Variants in GALNT9 observed in about 807,000 individuals in gnomAD.
GALNT9 encodes the protein polypeptide N-acetylgalactosaminyltransferase 9.
Under a neutral mutation model 63.1 loss-of-function variants are expected in GALNT9, and 47 were observed. That is an observed-to-expected ratio of 0.75 (90% CI 0.59 to 0.95). The LOEUF is 0.95. GALNT9 is among the 40% of genes least tolerant of loss of function. The pLI is 0.00. For synonymous variants in GALNT9, 396 were observed against 365.7 expected (o/e 1.08, Z -0.94); for missense variants, 829 against 874.8 (o/e 0.95, Z 0.66).
At chr12:132,247,832 A>G in intron 6 of GALNT9, 78 bp downstream of exon 6, 1 of 1,540,106 alleles carries the variant, frequency 6.5e-7, no homozygotes, top group Middle Eastern at 1.7e-4. Flanking sequence ...CCGCGGCCTC[A>G]CTCGCCCTCA....
intron 10 of GALNT9, 81 bp from the exon 11 acceptor site, chr12:132,197,334 G>C: frequency 6.4e-7 from 1 of 1,563,580 alleles, no homozygotes. Flanking sequence ...GCTGCTTCGT[G>C]CTCTCAGCCC....
chr12:132,302,062 C>T (rs560077072), intron 1 of GALNT9, among the ~76,000 whole-genome samples: 70 of 152,262 alleles, frequency 4.6e-4, no homozygotes, highest in African/African-American at 1.6e-3. Flanking sequence ...GAAATTGAAC[C>T]ACTGTGTCAA....
In GALNT9 at chr12:132,203,528, T is replaced by G; in HGVS notation, c.1240A>C (p.Met414Leu). The change falls in exon 7 of 11, where the codon ATG becomes CTG. Residue 414 changes from methionine to leucine, a missense_variant. Coordinates refer to ENST00000328957, the MANE Select transcript of GALNT9 (RefSeq NM_001122636.2). ...WMDDFKSHVY[M>L]AWNIPMSNPG... ...ACCGACATGGGGATGTTCCAGGCCATGTACACGTGGGACTTGAAGTCATCC... is the reference window on the plus strand; with the variant it reads ...ACCGACATGGGGATGTTCCAGGCCAGGTACACGTGGGACTTGAAGTCATCC... 6.2e-7 allele frequency: 1 copy of G among 1,613,852 alleles called. No homozygotes were observed. The highest frequency in any genetic ancestry group is 8.5e-7 in the Non-Finnish European group (1 of 1,179,784).
intron 6 of GALNT9, among the ~76,000 whole-genome samples, chr12:132,217,656 T>C (rs1877270302): frequency 6.9e-6 from 1 of 144,620 alleles, no homozygotes; most frequent in East Asian, 2.2e-4. Flanking sequence ...CACTCATCCA[T>C]CCATTCCTTT....
intron 1 of GALNT9, among the ~76,000 whole-genome samples, chr12:132,303,221 G>C (rs61945664): frequency 4.0e-5 from 6 of 151,800 alleles, no homozygotes; most frequent in Non-Finnish European, 5.9e-5. Flanking sequence ...AGGCTGGGCA[G>C]GCGCCCTGAG....
intron 2 of GALNT9, among the ~76,000 whole-genome samples, chr12:132,272,157 T>C (rs2135551636): frequency 6.6e-6 from 1 of 152,306 alleles, no homozygotes; most frequent in South Asian, 2.1e-4. Context: ...GGGACCCCTC[T>C]GTGGGCCACG....
At position 132,197,158 on chromosome 12, in the gene GALNT9, G is replaced by A. The variant is rs1159598671; in HGVS notation, c.1761C>T (p.Cys587=). 5.0e-6 allele frequency: 8 copies of A among 1,614,140 alleles called. No individual in the cohort carries two copies. Among genetic ancestry groups the A allele is most frequent in the Non-Finnish European group, 6.8e-6 (8 of 1,180,022 alleles). ...TTCTGATCATCCACTTCTGCCCCGA[G>A]CACCTCTGTACCACCAGCCGGAGCC... is the stretch of plus-strand genomic sequence containing the variant. The part of the protein sequence containing the change: ...NFGLRLVVQR[C]SGQKWMIRNW... The change falls in exon 11 of 11, where the codon TGC becomes TGT. Residue 587 remains cysteine (C), a synonymous_variant. Transcript: ENST00000328957.
chr12:132,329,544 C>A lies in GALNT9; in HGVS notation c.-341G>T, dbSNP rs1593129774. On this transcript the variant is annotated 5_prime_UTR_variant, in exon 1 of 11. Coordinates refer to ENST00000328957, the MANE Select transcript of GALNT9 (RefSeq NM_001122636.2). ...GGGCGGCGCTCGGTGTCTGTGCCGG[C>A]TCCTGTCCTGCCCGCCCCGCAGCCA... Among the ~76,000 whole-genome samples, 1 of 147,430 alleles carries A rather than the reference C, an allele frequency of 6.8e-6. No individual in the cohort carries two copies. The highest frequency in any genetic ancestry group is 3.5e-3 in the Middle Eastern group (1 of 288).
At chr12:132,206,647 A>AG (rs1491114390) in intron 6 of GALNT9, among the ~76,000 whole-genome samples, 1 of 12,436 alleles carries the variant, frequency 8.0e-5, no homozygotes, top group Non-Finnish European at 3.9e-4. Context: ...ACTCCGTCTC[A>AG]AAAAAAAAAA....
chr12:132,313,770 CCAT>C (rs1881909573), intron 1 of GALNT9, among the ~76,000 whole-genome samples: 1 of 144,570 alleles, frequency 6.9e-6, no homozygotes, highest in Non-Finnish European at 1.5e-5. Flanking sequence ...ATCCACCCAG[CCAT>C]CCATCCATAC....
chr12:132,224,681 C>A (rs1877577702), intron 6 of GALNT9, among the ~76,000 whole-genome samples: 1 of 85,934 alleles, frequency 1.2e-5, no homozygotes, highest in African/African-American at 4.2e-5. Flanking sequence ...ACACCCCACA[C>A]TACACACCCC....
chr12:132,203,866 C>A (rs1011154536), intron 6 of GALNT9, among the ~76,000 whole-genome samples, 176 bp from the exon 7 acceptor site: 1 of 152,054 alleles, frequency 6.6e-6, no homozygotes, highest in Non-Finnish European at 1.5e-5. Flanking sequence ...TTCAGGGGAC[C>A]CCGCCCACAG....
Position 132,212,976 on chromosome 12 carries a change from C to T in GALNT9, c.1078-9286G>A, listed in dbSNP as rs188752976. Among the ~76,000 whole-genome samples the T allele has an allele frequency of 2.7e-5, 4 of 147,766 alleles. No homozygotes were observed. The East Asian group carries it at 6.2e-4, about 23-fold the overall frequency. On this transcript the variant is annotated intron_variant, in intron 6 of 10. Coordinates refer to ENST00000328957, the MANE Select transcript of GALNT9 (RefSeq NM_001122636.2). ...CTCAGACCGTGACATGGAAACCCCA[C>T]CCGGGTCTACAGCCTTGAGACCGTG...
At chr12:132,320,733 C>A (rs969027922) in intron 1 of GALNT9, among the ~76,000 whole-genome samples, 1 of 152,266 alleles carries the variant, frequency 6.6e-6, no homozygotes, top group African/African-American at 2.4e-5. Context: ...CCTCCGCCCC[C>A]ACCAGGTGCC....
rs143040324 is a variant in GALNT9, at chr12:132,316,684, C to T, written c.238+12282G>A. Among the ~76,000 whole-genome samples the T allele has an allele frequency of 5.9e-5, 9 of 152,152 alleles. No individual in the cohort carries two copies. In the East Asian group the frequency reaches 1.5e-3, roughly 26 times the overall value. Reference sequence around the variant, plus strand: ...TGCTCTGTGTAGTCCCTCAGCCACCCTTTCAGATCCGACAGGGACGCCCAC... The same window carrying T: ...TGCTCTGTGTAGTCCCTCAGCCACCTTTTCAGATCCGACAGGGACGCCCAC... On this transcript the variant is annotated intron_variant, in intron 1 of 10. Coordinates refer to ENST00000328957, the MANE Select transcript of GALNT9 (RefSeq NM_001122636.2). The surrounding 1 kb of genome is among the most constrained non-coding windows in gnomAD (Gnocchi z 4.3).
At chr12:132,328,860 G>T (rs1566026864) in intron 1 of GALNT9, 106 bp downstream of exon 1, 2 of 1,292,102 alleles carry the variant, frequency 1.5e-6, no homozygotes, top group Non-Finnish European at 2.0e-6. Flanking sequence ...CCCTCCCACA[G>T]GGGCGCAGAG....
At chr12:132,210,273 G>A (rs1424235920) in intron 6 of GALNT9, among the ~76,000 whole-genome samples, 3 of 152,386 alleles carry the variant, frequency 2.0e-5, no homozygotes, top group African/African-American at 7.2e-5. Flanking sequence ...ATTCAGGACT[G>A]ACGTTGTCTT....
rs532829802 is a variant in GALNT9, at chr12:132,207,349, C to T, written c.1078-3659G>A. Among the ~76,000 whole-genome samples, 4 of 152,324 alleles carry T rather than the reference C, an allele frequency of 2.6e-5. No individual in the cohort carries two copies. In the South Asian group the frequency reaches 8.3e-4, roughly 32 times the overall value. Reference sequence around the variant, plus strand: ...ACAGTAGGTGCTTGATAAATAGCTGCGGAACGAATGTGTTCCCTTTAGGAA... The same window carrying T: ...ACAGTAGGTGCTTGATAAATAGCTGTGGAACGAATGTGTTCCCTTTAGGAA... On this transcript the variant is annotated intron_variant, in intron 6 of 10. Transcript: ENST00000328957.
Position 132,197,879 on chromosome 12 carries a change from C to T in GALNT9, c.1578G>A (p.Leu526=). The part of the protein sequence containing the change: ...STAFLPDSKC[L]VDDGTGRMPT... ...GCATGCGGCCCGTGCCGTCATCCACCAGACACTTGGAGTCAGGCAAGAAGG... is the reference window on the plus strand; with the variant it reads ...GCATGCGGCCCGTGCCGTCATCCACTAGACACTTGGAGTCAGGCAAGAAGG... The change falls in exon 10 of 11, where the codon CTG becomes CTA. Residue 526 remains leucine (L), a synonymous_variant. Transcript: ENST00000328957. 6.2e-7 allele frequency: 1 copy of T among 1,611,710 alleles called. No individual in the cohort carries two copies. Among genetic ancestry groups the T allele is most frequent in the Middle Eastern group, 1.6e-4 (1 of 6,062 alleles).
Sources: allele counts gnomAD v4.1 joint callset (sites outside exome capture counted in the v4.1 genomes callset), GRCh38; gene constraint gnomAD v4.1.1; non-coding constraint Gnocchi (gnomAD v3.1); transcripts MANE v1.5; gene names NCBI Gene and HGNC (gene_info 2026-07-23, HGNC 2026-07-21).